Variants in NCOA2 observed in about 807,000 individuals in gnomAD.
NCOA2 encodes class E basic helix-loop-helix protein 75.
In NCOA2, 21 loss-of-function variants were observed where a neutral mutation model predicts 145.1. The ratio of observed to expected loss-of-function variants is 0.14; its 90% CI spans 0.10 to 0.21. NCOA2 has a LOEUF of 0.21. Among genes scored for constraint, NCOA2 ranks in the 10% least tolerant of loss-of-function variants. The pLI is 1.00. For missense variants in NCOA2, 1,472 were observed against 1,837.6 expected, an observed-to-expected ratio of 0.80 and a Z score of 3.64; for synonymous variants, 619 against 637.5, an observed-to-expected ratio of 0.97 and a Z score of 0.44.
chr8:70,350,086 T>G (rs1168357679), intron 1 of NCOA2, among the ~76,000 whole-genome samples: 5 of 152,134 alleles, frequency 3.3e-5, no homozygotes, highest in African/African-American at 1.2e-4. Flanking sequence ...TATTTTTATT[T>G]AACAGAACAT....
chr8:70,283,587 T>C (rs1826036583), intron 2 of NCOA2, among the ~76,000 whole-genome samples: 1 of 152,190 alleles, frequency 6.6e-6, no homozygotes, highest in Non-Finnish European at 1.5e-5. Flanking sequence ...TTAACTTTTA[T>C]TTGCTATAGT....
intron 4 of NCOA2, among the ~76,000 whole-genome samples, chr8:70,195,706 C>T (rs1817231455): frequency 6.6e-6 from 1 of 152,204 alleles, no homozygotes; most frequent in African/African-American, 2.4e-5. Flanking sequence ...TATAAATGGT[C>T]ATACAGGAAT....
chr8:70,317,023 T>A (rs1805636726), intron 1 of NCOA2, among the ~76,000 whole-genome samples: 1 of 152,208 alleles, frequency 6.6e-6, no homozygotes, highest in Non-Finnish European at 1.5e-5. Context: ...TTTTGGCTTT[T>A]GAACTCAGGG....
At chr8:70,221,577 T>G (rs1820139851) in intron 2 of NCOA2, among the ~76,000 whole-genome samples, 1 of 152,182 alleles carries the variant, frequency 6.6e-6, no homozygotes, top group Non-Finnish European at 1.5e-5. Flanking sequence ...GGGAAGTCAG[T>G]AAGATGATAC....
intron 2 of NCOA2, among the ~76,000 whole-genome samples, chr8:70,254,785 T>C (rs1192385439): frequency 6.6e-6 from 1 of 152,190 alleles, no homozygotes; most frequent in Non-Finnish European, 1.5e-5. Flanking sequence ...TGAAGATGGA[T>C]GTTGTTGATA....
chr8:70,203,061 G>A (rs964622078), intron 4 of NCOA2, among the ~76,000 whole-genome samples: 2 of 151,880 alleles, frequency 1.3e-5, no homozygotes, highest in African/African-American at 4.8e-5. Flanking sequence ...TCAAAAGATC[G>A]AGACCATTCT....
intron 13 of NCOA2, among the ~76,000 whole-genome samples, chr8:70,142,945 G>GTTTTTTT (rs1029277458): frequency 6.8e-6 from 1 of 147,946 alleles, no homozygotes. Context: ...TCTGTGTTTT[G>GTTTTTTT]TTTTTTTTGT....
the NCOA2 span, among the ~76,000 whole-genome samples, chr8:70,425,226 T>C: frequency 6.6e-6 from 1 of 152,230 alleles, no homozygotes; most frequent in East Asian, 1.9e-4. Flanking sequence ...ACCATCTCTC[T>C]AAGAATCACT....
Position 70,159,244 on chromosome 8 carries a change from T to TATATATATATATGTATGTATATATA in NCOA2, c.1124+260_1124+261insTATATATACATACATATATATATAT. ...ACATTATATATATATATATATATAT[T>TATATATATATATGTATGTATATATA]TTTTTTTTTTTCCCCCAAATATTTT... On this transcript the variant is annotated intron_variant, in intron 10 of 22. Coordinates refer to ENST00000452400, the MANE Select transcript of NCOA2 (RefSeq NM_006540.4). Among the ~76,000 whole-genome samples, 9 of 69,282 alleles carry TATATATATATATGTATGTATATATA rather than the reference T, an allele frequency of 1.3e-4. 1 individual carries two copies. The highest frequency in any genetic ancestry group is 5.5e-4 in the Admixed American group (3 of 5,462). The allele number at this position is 69,282 out of a possible 152,430, so 45.5% of individuals were successfully genotyped here.
At chr8:70,386,929 A>G (rs544993537) in intron 1 of NCOA2, among the ~76,000 whole-genome samples, 2 of 151,940 alleles carry the variant, frequency 1.3e-5, no homozygotes, top group African/African-American at 4.8e-5. Flanking sequence ...TTTTTTTAAG[A>G]GATGGGAGTC....
intron 3 of NCOA2, among the ~76,000 whole-genome samples, chr8:70,214,815 A>T (rs990925549): frequency 2.0e-5 from 3 of 152,158 alleles, no homozygotes; most frequent in African/African-American, 4.8e-5. Flanking sequence ...TTTTCATAAT[A>T]ACAGCATACA....
chr8:70,420,605 G>A, the NCOA2 span, among the ~76,000 whole-genome samples: 80 of 152,292 alleles, frequency 5.3e-4, no homozygotes, highest in African/African-American at 1.9e-3. Flanking sequence ...CCCTTCAGGA[G>A]GCTGGGGGTG....
At chr8:70,447,677 G>GTTTTCTT in the NCOA2 span, among the ~76,000 whole-genome samples, 4 of 94,668 alleles carry the variant, frequency 4.2e-5, no homozygotes, top group African/African-American at 2.1e-4. Context: ...TTAGGTCTTT[G>GTTTTCTT]TTTTCTTTTT....
At chr8:70,230,111 T>G (rs1821005430) in intron 2 of NCOA2, among the ~76,000 whole-genome samples, 1 of 152,212 alleles carries the variant, frequency 6.6e-6, no homozygotes, top group South Asian at 2.1e-4. Context: ...ACTTTTGAGC[T>G]GAAGATGGTA....
At chr8:70,238,002 C>G (rs1439626180) in intron 2 of NCOA2, among the ~76,000 whole-genome samples, 1 of 151,994 alleles carries the variant, frequency 6.6e-6, no homozygotes, top group Non-Finnish European at 1.5e-5. Flanking sequence ...TGACTTGATA[C>G]TAAAAATAAC....
At chr8:70,130,773 CT>C (rs35761842) in intron 16 of NCOA2, among the ~76,000 whole-genome samples, 2 of 152,098 alleles carry the variant, frequency 1.3e-5, no homozygotes, top group African/African-American at 4.8e-5. Context: ...CTGGCAGGTA[CT>C]TTTTGGCAGT....
chr8:70,418,835 G>A, the NCOA2 span, among the ~76,000 whole-genome samples: 1 of 151,968 alleles, frequency 6.6e-6, no homozygotes, highest in African/African-American at 2.4e-5. Context: ...ACTTTCTTTG[G>A]TGACCAAAAA....
At chr8:70,141,489 A>G (rs1810425151) in intron 13 of NCOA2, 90 bp from the exon 14 acceptor site, 1 of 1,198,540 alleles carries the variant, frequency 8.3e-7, no homozygotes, top group South Asian at 1.3e-5. Flanking sequence ...CCTACAAAAC[A>G]ATCATTCTGT....
chr8:70,252,646 A>C (rs1823293945), intron 2 of NCOA2, among the ~76,000 whole-genome samples: 1 of 152,124 alleles, frequency 6.6e-6, no homozygotes, highest in Non-Finnish European at 1.5e-5. Context: ...CCCTGAAGAA[A>C]CCTGGCTCCT....
Sources: allele counts gnomAD v4.1 joint callset (sites outside exome capture counted in the v4.1 genomes callset), GRCh38; gene constraint gnomAD v4.1.1; transcripts MANE v1.5; gene names NCBI Gene and HGNC (gene_info 2026-07-23, HGNC 2026-07-21).